Variants in CCDC175 observed in about 807,000 individuals in gnomAD.
The protein encoded by CCDC175 is coiled-coil domain containing 175, also known as coiled-coil domain-containing protein 175.
A neutral mutation model predicts 114.6 loss-of-function variants in CCDC175; 100 were observed. The observed-to-expected ratio is 0.87, with a 90% CI of 0.74 to 1.03. The LOEUF (loss-of-function observed/expected upper bound fraction) is 1.03. CCDC175 is among the 50% of genes least tolerant of loss of function. The probability of loss-of-function intolerance (pLI) is 0.00; values close to 1 mark genes in which losing one functional copy is unlikely to be tolerated. For synonymous variants in CCDC175, 306 were observed against 308.7 expected (o/e 0.99, Z 0.09); for missense variants, 880 against 917.8 (o/e 0.96, Z 0.53).
intron 14 of CCDC175, among the ~76,000 whole-genome samples, chr14:59,531,194 T>G (rs188484008): frequency 1.1e-3 from 162 of 152,292 alleles, no homozygotes; most frequent in Middle Eastern, 3.4e-3. Context: ...TACATCCAAT[T>G]TTTTGTGGAG....
intron 13 of CCDC175, among the ~76,000 whole-genome samples, chr14:59,534,001 A>AAAAAAAAAACAAAAAAACAAAAAAAC (rs1566609226): frequency 6.6e-6 from 1 of 151,724 alleles, no homozygotes; most frequent in African/African-American, 2.4e-5. Flanking sequence ...AAAAAAAAAA[A>AAAAAAAAAACAAAAAAACAAAAAAAC]AAAAAGAAAC....
chr14:59,547,707 G>A (rs1029450051), intron 8 of CCDC175, among the ~76,000 whole-genome samples: 6 of 152,132 alleles, frequency 3.9e-5, no homozygotes, highest in East Asian at 1.9e-4. Context: ...CAGATGGTTC[G>A]TAGTCTTAAA....
chr14:59,565,453 C>G (rs1035297877), intron 4 of CCDC175, among the ~76,000 whole-genome samples, 178 bp from the exon 5 acceptor site: 2 of 152,174 alleles, frequency 1.3e-5, no homozygotes, highest in Non-Finnish European at 2.9e-5. Flanking sequence ...GCCTGTAATC[C>G]TAGCACTTTG....
chr14:59,520,440 T>C lies in CCDC175; in HGVS notation c.2098+1134A>G, dbSNP rs527560582. Among the ~76,000 whole-genome samples, 31 of 152,358 alleles carry C rather than the reference T, an allele frequency of 2.0e-4. 1 individual carries two copies. The South Asian group carries it at 6.0e-3, about 29-fold the overall frequency. ...AAGTTAATCATACACTAACCATATA[T>C]ATTTCCTATAAAGTTAATCATACAC... On this transcript the variant is annotated intron_variant, in intron 17 of 19. Coordinates refer to ENST00000537690, the MANE Select transcript of CCDC175 (RefSeq NM_001164399.2).
At chr14:59,549,700 A>T (rs1895337342) in intron 8 of CCDC175, among the ~76,000 whole-genome samples, 1 of 139,060 alleles carries the variant, frequency 7.2e-6, no homozygotes, top group Non-Finnish European at 1.6e-5. Flanking sequence ...AGCCTGGGTG[A>T]TAGAGTGAGA....
intron 18 of CCDC175, 25 bp downstream of exon 18, chr14:59,511,735 G>A: frequency 2.0e-6 from 3 of 1,526,422 alleles, no homozygotes; most frequent in South Asian, 1.2e-5. Context: ...TTTATATGGA[G>A]GCAACAGACA....
intron 19 of CCDC175, 196 bp downstream of exon 19, chr14:59,510,450 G>C (rs1259730740): frequency 1.9e-6 from 1 of 523,554 alleles, no homozygotes; most frequent in Non-Finnish European, 3.4e-6. Flanking sequence ...AATTCTCTTA[G>C]GTGAAAGGCA....
intron 18 of CCDC175, among the ~76,000 whole-genome samples, chr14:59,511,494 G>A (rs1341564972): frequency 6.9e-6 from 1 of 145,458 alleles, no homozygotes; most frequent in Non-Finnish European, 1.5e-5. Context: ...TTATCTGAGT[G>A]GTAGAGTGGG....
intron 7 of CCDC175, among the ~76,000 whole-genome samples, chr14:59,556,447 T>C (rs1029852830): frequency 6.6e-6 from 1 of 152,302 alleles, no homozygotes; most frequent in African/African-American, 2.4e-5. Flanking sequence ...TTACAACTTA[T>C]ACAAAAATTA....
At chr14:59,555,981 G>C (rs1230225121) in intron 7 of CCDC175, among the ~76,000 whole-genome samples, 1 of 152,134 alleles carries the variant, frequency 6.6e-6, no homozygotes, top group Non-Finnish European at 1.5e-5. Context: ...CAAACAAATG[G>C]AAGAACATTC....
intron 14 of CCDC175, among the ~76,000 whole-genome samples, chr14:59,529,535 G>A (rs1893939261): frequency 1.3e-5 from 2 of 152,142 alleles, no homozygotes; most frequent in South Asian, 4.1e-4. Flanking sequence ...AGCTTTGGGG[G>A]AAAGAACTTT....
chr14:59,565,080 T>G lies in CCDC175; in HGVS notation c.687A>C (p.Glu229Asp), dbSNP rs749854916. The G allele has an allele frequency of 1.4e-5, 22 of 1,537,142 alleles. No individual in the cohort carries two copies. In the African/African-American group the frequency reaches 1.8e-4, roughly 12 times the overall value. ...AEELMEKERA[E>D]YLIRKQELTA... ...TCAACTCTTGTTTTCTTATTAGATA[T>G]TCTGCCCTTTCTTTTTCCATTAGCT... The change falls in exon 5 of 20, where the codon GAA becomes GAC. Residue 229 changes from glutamate (E) to aspartate (D), a missense_variant. By Grantham distance (45) the Glu-to-Asp change is conservative. Coordinates refer to ENST00000537690, the MANE Select transcript of CCDC175 (RefSeq NM_001164399.2).
intron 14 of CCDC175, among the ~76,000 whole-genome samples, chr14:59,528,196 G>T (rs1035395517): frequency 6.6e-6 from 1 of 151,924 alleles, no homozygotes; most frequent in African/African-American, 2.4e-5. Context: ...CTATAATATT[G>T]CTGTTAAGAA....
chr14:59,558,190 G>T (rs1009767303), intron 7 of CCDC175, among the ~76,000 whole-genome samples: 6 of 152,188 alleles, frequency 3.9e-5, no homozygotes, highest in South Asian at 2.1e-4. Flanking sequence ...AAGAAGGATG[G>T]TGAGGCTGGA....
At position 59,540,672 on chromosome 14, in the gene CCDC175, T is replaced by TTTAA; in HGVS notation, c.1355+2_1355+3insTTAA. The TTTAA allele has an allele frequency of 6.8e-7, 1 of 1,476,170 alleles. No homozygotes were observed. Among genetic ancestry groups the TTTAA allele is most frequent in the Non-Finnish European group, 9.0e-7 (1 of 1,107,838 alleles). 91.4% of individuals were successfully genotyped at this position (1,476,170 alleles called of 1,614,324 possible). On this transcript the variant is annotated splice_region_variant and intron_variant, in intron 11 of 19. Coordinates refer to ENST00000537690, the MANE Select transcript of CCDC175 (RefSeq NM_001164399.2). ...ACTTTTTTTTTTTTTTTTTTTTTTT[T>TTTAA]ACCATCTCTGACTTTCTCTTTCCAG...
chr14:59,576,808 G>T lies in CCDC175; in HGVS notation c.-33C>A. 7.2e-7 allele frequency: 1 copy of T among 1,398,602 alleles called. No homozygotes were observed. Among genetic ancestry groups the T allele is most frequent in the Non-Finnish European group, 9.2e-7 (1 of 1,084,662 alleles). The allele number at this position is 1,398,602 out of a possible 1,614,324, so 86.6% of individuals were successfully genotyped here. A position where few individuals can be genotyped will look rare whatever the true frequency, so the allele number is the denominator to read the frequency against. The stretch of plus-strand genomic sequence containing the variant: ...CTCTACTTGAGCGCCTCCTAAGCCA[G>T]AGCCAAGGATTGCCGGTTGCCACGG... On this transcript the variant is annotated 5_prime_UTR_variant, in exon 1 of 20. In the 5' UTR this introduces an upstream ATG that the reference lacks. Transcript: ENST00000537690.
intron 15 of CCDC175, among the ~76,000 whole-genome samples, chr14:59,525,865 A>C (rs1893705682): frequency 1.3e-5 from 2 of 152,220 alleles, no homozygotes; most frequent in African/African-American, 4.8e-5. Context: ...AAATAATTTA[A>C]AGTATATTGG....
chr14:59,549,850 T>C (rs1032722141), intron 8 of CCDC175, among the ~76,000 whole-genome samples: 1 of 151,990 alleles, frequency 6.6e-6, no homozygotes, highest in Admixed American at 6.6e-5. Flanking sequence ...AGAATTTCAG[T>C]TATGTCTAGT....
chr14:59,525,404 G>C lies in CCDC175; in HGVS notation c.1873C>G (p.Arg625Gly). ...TTGTTTTTTTTGCTTTCTTGATCTC[G>C]TAATTGTTGTAATTCTTGTTTTACA... ...EDVKQELQQL[R>G]DQESKKNKDH... Residue 625 changes from arginine (R) to glycine (G), a missense_variant, in exon 16 of 20, where the codon CGA becomes GGA. Coordinates refer to ENST00000537690, the MANE Select transcript of CCDC175 (RefSeq NM_001164399.2). 1 of 1,510,578 alleles carries C rather than the reference G, an allele frequency of 6.6e-7. No homozygotes were observed. Among genetic ancestry groups the C allele is most frequent in the Non-Finnish European group, 8.8e-7 (1 of 1,139,424 alleles). 93.6% of individuals were successfully genotyped at this position (1,510,578 alleles called of 1,614,324 possible). A position where few individuals can be genotyped will look rare whatever the true frequency, so the allele number is the denominator to read the frequency against.
Sources: allele counts gnomAD v4.1 joint callset (sites outside exome capture counted in the v4.1 genomes callset), GRCh38; gene constraint gnomAD v4.1.1; transcripts MANE v1.5; gene names NCBI Gene and HGNC (gene_info 2026-07-23, HGNC 2026-07-21).